DAZL: variants seen among roughly 807,000 people sequenced by gnomAD.
The protein encoded by DAZL is deleted in azoospermia like.
DAZL carries 4 observed loss-of-function variants against 45.0 expected under a neutral mutation model. The ratio of observed to expected loss-of-function variants is 0.09; its 90% CI spans 0.04 to 0.20. DAZL has a LOEUF of 0.20. Ranked by LOEUF, DAZL falls within the 10% of genes least tolerant of loss-of-function variation. DAZL has a pLI of 1.00. For synonymous variants in DAZL, 122 were observed against 112.4 expected (o/e 1.09, Z -0.54); for missense variants, 326 against 351.3 (o/e 0.93, Z 0.58).
In DAZL at chr3:16,605,349, G is replaced by T; in HGVS notation, c.-144C>A. The T allele has an allele frequency of 9.8e-7, 1 of 1,019,026 alleles. No homozygotes were observed. The highest frequency in any genetic ancestry group is 1.6e-6 in the Non-Finnish European group (1 of 644,822). 63.1% of individuals were successfully genotyped at this position (1,019,026 alleles called of 1,614,324 possible). A position where few individuals can be genotyped will look rare whatever the true frequency, so the allele number is the denominator to read the frequency against. On this transcript the variant is annotated 5_prime_UTR_variant, in exon 1 of 11. Coordinates refer to ENST00000399444, the MANE Select transcript of DAZL (RefSeq NM_001351.4). ...AAAGGAGCCAAAGATGAAGAGAAAA[G>T]GAAAACCAAGAGCGGGTGACAAGGC...
At chr3:16,596,621 A>C (rs1694603938) in intron 6 of DAZL, 129 bp downstream of exon 6, 1 of 1,008,522 alleles carries the variant, frequency 9.9e-7, no homozygotes, top group Non-Finnish European at 1.5e-6. Context: ...CAAAAGTAAT[A>C]AATTTCCCAT....
intron 1 of DAZL, among the ~76,000 whole-genome samples, chr3:16,603,867 G>C (rs576195207): frequency 2.9e-4 from 44 of 152,126 alleles, no homozygotes; most frequent in African/African-American, 9.9e-4. Flanking sequence ...TAATCTAGAA[G>C]GTCATACATG....
chr3:16,598,333 A>G lies in DAZL; in HGVS notation c.150+119T>C, dbSNP rs1694632003. The G allele has an allele frequency of 2.7e-6, 4 of 1,470,944 alleles. No homozygotes were observed. The Admixed American group carries it at 6.9e-5, about 26-fold the overall frequency. The allele number at this position is 1,470,944 out of a possible 1,614,324, so 91.1% of individuals were successfully genotyped here. On this transcript the variant is annotated intron_variant, in intron 2 of 10. Coordinates refer to ENST00000399444, the MANE Select transcript of DAZL (RefSeq NM_001351.4). Reference sequence around the variant, plus strand: ...AAGATATTTTTAGTACCTATGGGTCAAATGTAAAACCAATTCTAAACCTCC... The same window carrying G: ...AAGATATTTTTAGTACCTATGGGTCGAATGTAAAACCAATTCTAAACCTCC...
chr3:16,602,329 T>C (rs1484838061), intron 1 of DAZL, among the ~76,000 whole-genome samples: 4 of 152,054 alleles, frequency 2.6e-5, no homozygotes, highest in African/African-American at 9.7e-5. Context: ...TACAAAACAA[T>C]CTTGAGAAAA....
At chr3:16,595,238 T>G in intron 7 of DAZL, 76 bp downstream of exon 7, 1 of 840,464 alleles carries the variant, frequency 1.2e-6, no homozygotes, top group South Asian at 1.9e-5. Flanking sequence ...GACAAACCAT[T>G]CAGACAATTT....
In DAZL at chr3:16,605,300, C is replaced by G; in HGVS notation, c.-95G>C. 6.7e-7 allele frequency: 1 copy of G among 1,482,332 alleles called. No homozygotes were observed. Among genetic ancestry groups the G allele is most frequent in the Non-Finnish European group, 9.4e-7 (1 of 1,059,926 alleles). 91.8% of individuals were successfully genotyped at this position (1,482,332 alleles called of 1,614,324 possible). The stretch of plus-strand genomic sequence containing the variant: ...GGGGCTGCTGTGAGGTCCGCTGGAA[C>G]CCGCTGCGCGGCTTCGAGTGGTCAA... On this transcript the variant is annotated 5_prime_UTR_variant, in exon 1 of 11. Transcript: ENST00000399444.
intron 9 of DAZL, among the ~76,000 whole-genome samples, chr3:16,592,657 T>C (rs1489837740): frequency 6.6e-6 from 1 of 152,124 alleles, no homozygotes; most frequent in Non-Finnish European, 1.5e-5. Flanking sequence ...CTGACAAAGA[T>C]TTTAGAACCT....
intron 10 of DAZL, among the ~76,000 whole-genome samples, chr3:16,590,489 G>T (rs1482921575): frequency 6.6e-6 from 1 of 152,192 alleles, no homozygotes; most frequent in Non-Finnish European, 1.5e-5. Context: ...AATTCTGGCA[G>T]TTCCACTGAA....
intron 1 of DAZL, 115 bp downstream of exon 1, chr3:16,605,088 G>T: frequency 7.5e-7 from 1 of 1,339,654 alleles, no homozygotes; most frequent in Non-Finnish European, 1.1e-6. Flanking sequence ...CCAGGCAGGT[G>T]CCCCCCAAAC....
intron 2 of DAZL, 123 bp downstream of exon 2, chr3:16,598,329 G>C: frequency 6.9e-7 from 1 of 1,449,118 alleles, no homozygotes. Flanking sequence ...AGTACCTATG[G>C]GTCAAATGTA....
chr3:16,592,921 T>C (rs1338354705), intron 9 of DAZL, among the ~76,000 whole-genome samples: 2 of 151,972 alleles, frequency 1.3e-5, no homozygotes, highest in Non-Finnish European at 2.9e-5. Context: ...GATTCAAGAG[T>C]GATAGTATTA....
At chr3:16,597,439 C>T (rs372324455) in intron 4 of DAZL, 51 bp downstream of exon 4, 2 of 1,167,538 alleles carry the variant, frequency 1.7e-6, no homozygotes, top group Admixed American at 1.7e-5. Context: ...TCACTTGACA[C>T]TAAACATTGT....
At position 16,592,122 on chromosome 3, in the gene DAZL, C is replaced by G; in HGVS notation, c.762G>C (p.Thr254=). The change falls in exon 10 of 11, where the codon ACG becomes ACC. Residue 254 remains threonine, a synonymous_variant. Coordinates refer to ENST00000399444, the MANE Select transcript of DAZL (RefSeq NM_001351.4). The part of the protein sequence containing the change: ...QKKSVDRSIQ[T]VVSCLFNPEN... Reference sequence around the variant, plus strand: ...CTGGATTAAACAGACAAGATACCACCGTTTGTATGCTTCGGTCCACAGATT... The same window carrying G: ...CTGGATTAAACAGACAAGATACCACGGTTTGTATGCTTCGGTCCACAGATT... The G allele has an allele frequency of 6.2e-7, 1 of 1,613,476 alleles. No homozygotes were observed. Among genetic ancestry groups the G allele is most frequent in the South Asian group, 1.1e-5 (1 of 91,072 alleles).
chr3:16,594,641 A>G (rs1361449309), intron 7 of DAZL, 58 bp from the exon 8 acceptor site: 1 of 1,231,736 alleles, frequency 8.1e-7, no homozygotes, highest in Non-Finnish European at 1.1e-6. Flanking sequence ...AATTTTCAAA[A>G]ACACACGAGA....
rs1218629232 is a variant in DAZL, at chr3:16,605,292, C to T, written c.-87G>A. 2.0e-6 allele frequency: 3 copies of T among 1,504,480 alleles called. No homozygotes were observed. Among genetic ancestry groups the T allele is most frequent in the East Asian group, 2.3e-5 (1 of 44,356 alleles). The allele number at this position is 1,504,480 out of a possible 1,614,324, so 93.2% of individuals were successfully genotyped here. On this transcript the variant is annotated 5_prime_UTR_variant, in exon 1 of 11. Coordinates refer to ENST00000399444, the MANE Select transcript of DAZL (RefSeq NM_001351.4). The stretch of plus-strand genomic sequence containing the variant: ...CCACTTCTGGGGCTGCTGTGAGGTC[C>T]GCTGGAACCCGCTGCGCGGCTTCGA...
chr3:16,591,160 T>G lies in DAZL; in HGVS notation c.834+890A>C, dbSNP rs73142515. ...ACTACAGGGACCCAGAAACCTTTAGTCCTGTACCTTCTCATTTTAGACTTG... is the reference window on the plus strand; with the variant it reads ...ACTACAGGGACCCAGAAACCTTTAGGCCTGTACCTTCTCATTTTAGACTTG... On this transcript the variant is annotated intron_variant, in intron 10 of 10. Transcript: ENST00000399444. Among the ~76,000 whole-genome samples, 647 of 152,270 alleles carry G rather than the reference T, an allele frequency of 4.2e-3. 8 individuals are homozygous for G. Among genetic ancestry groups the G allele is most frequent in the African/African-American group, 0.015 (620 of 41,546 alleles).
At chr3:16,604,445 G>A in intron 1 of DAZL, 1 of 1,531,598 alleles carries the variant, frequency 6.5e-7, no homozygotes, top group Non-Finnish European at 8.7e-7. Flanking sequence ...CCAACCTCGT[G>A]CGGCAAAGAT....
rs1376791311 is a variant in DAZL at position 16,605,334 on chromosome 3, A to C, written c.-129T>G. ...CGGCTTCGAGTGGTCAAAGGAGCCAAAGATGAAGAGAAAAGGAAAACCAAG... is the reference window on the plus strand; with the variant it reads ...CGGCTTCGAGTGGTCAAAGGAGCCACAGATGAAGAGAAAAGGAAAACCAAG... On this transcript the variant is annotated 5_prime_UTR_variant, in exon 1 of 11. Transcript: ENST00000399444. The C allele has an allele frequency of 1.7e-5, 20 of 1,157,794 alleles. No homozygotes were observed. In the Admixed American group the frequency reaches 2.4e-4, roughly 14 times the overall value. 71.7% of individuals were successfully genotyped at this position (1,157,794 alleles called of 1,614,324 possible).
chr3:16,603,834 T>C (rs1694731978), intron 1 of DAZL, among the ~76,000 whole-genome samples: 1 of 152,222 alleles, frequency 6.6e-6, no homozygotes, highest in Non-Finnish European at 1.5e-5. Flanking sequence ...TTGGCCCATC[T>C]ATATGCAATA....
Sources: allele counts gnomAD v4.1 joint callset (sites outside exome capture counted in the v4.1 genomes callset), GRCh38; gene constraint gnomAD v4.1.1; transcripts MANE v1.5; gene names NCBI Gene and HGNC (gene_info 2026-07-23, HGNC 2026-07-21).